TOX: variants seen among roughly 807,000 people sequenced by gnomAD.
The protein encoded by TOX is thymocyte selection-associated high mobility group box protein TOX.
Under a neutral mutation model 53.7 loss-of-function variants are expected in TOX, and 11 were observed. That is an observed-to-expected ratio of 0.20 (90% confidence interval 0.13 to 0.34). The LOEUF (loss-of-function observed/expected upper bound fraction) is 0.34, where lower values mean the gene tolerates loss of function less well. Among genes scored for constraint, TOX ranks in the 10% least tolerant of loss-of-function variants. The pLI is 1.00. For missense variants in TOX, 570 were observed against 664.6 expected (o/e 0.86, Z 1.56); for synonymous variants, 225 against 245.3 (o/e 0.92, Z 0.77).
At chr8:58,837,309 T>C (rs1031957507) in intron 5 of TOX, among the ~76,000 whole-genome samples, 15 of 152,224 alleles carry the variant, frequency 9.9e-5, no homozygotes, top group African/African-American at 3.4e-4. Context: ...AAATTTTTCT[T>C]TGTGATGCTG....
At chr8:58,884,736 T>C (rs907765794) in intron 3 of TOX, among the ~76,000 whole-genome samples, 1 of 152,152 alleles carries the variant, frequency 6.6e-6, no homozygotes, top group Non-Finnish European at 1.5e-5. Context: ...CTTTAAAAAT[T>C]CTTTTTAACT....
intron 1 of TOX, among the ~76,000 whole-genome samples, chr8:59,101,530 G>A (rs1804806868): frequency 6.6e-6 from 1 of 152,100 alleles, no homozygotes; most frequent in South Asian, 2.1e-4. Flanking sequence ...ATAAACTGCA[G>A]ACACATAGTA....
chr8:59,094,071 T>C (rs1804669862), intron 1 of TOX, among the ~76,000 whole-genome samples: 1 of 152,196 alleles, frequency 6.6e-6, no homozygotes. Flanking sequence ...CAGACCATGA[T>C]TCTAATTTGG....
At chr8:58,922,813 C>T (rs1812094752) in intron 3 of TOX, among the ~76,000 whole-genome samples, 1 of 152,232 alleles carries the variant, frequency 6.6e-6, no homozygotes, top group Admixed American at 6.5e-5. Context: ...AGTGACAACT[C>T]ATTTTATAAA....
intron 2 of TOX, among the ~76,000 whole-genome samples, chr8:58,954,425 T>G (rs1812677912): frequency 6.6e-6 from 1 of 152,212 alleles, no homozygotes; most frequent in Non-Finnish European, 1.5e-5. Flanking sequence ...AGCATACCTC[T>G]GATATGTCAG....
chr8:59,111,588 C>T (rs1805017941), intron 1 of TOX, among the ~76,000 whole-genome samples: 1 of 151,912 alleles, frequency 6.6e-6, no homozygotes, highest in African/African-American at 2.4e-5. Context: ...CCCCACACAC[C>T]CATACACATG....
At chr8:58,929,114 T>C (rs1426210243) in intron 3 of TOX, among the ~76,000 whole-genome samples, 1 of 152,068 alleles carries the variant, frequency 6.6e-6, no homozygotes, top group Non-Finnish European at 1.5e-5. Context: ...TGTCAAAGAG[T>C]ACTTCTATTT....
intron 1 of TOX, among the ~76,000 whole-genome samples, chr8:58,965,402 G>T (rs1295375300): frequency 6.6e-6 from 1 of 152,144 alleles, no homozygotes; most frequent in Non-Finnish European, 1.5e-5. Flanking sequence ...AAACTAGGTA[G>T]TTATTATTTC....
chr8:59,039,433 C>G (rs1298061024), intron 1 of TOX, among the ~76,000 whole-genome samples: 1 of 152,212 alleles, frequency 6.6e-6, no homozygotes, highest in Non-Finnish European at 1.5e-5. Context: ...GCTCACTGTT[C>G]AGCAGTGCTC....
At chr8:59,108,207 T>C (rs536302465) in intron 1 of TOX, among the ~76,000 whole-genome samples, 2 of 152,334 alleles carry the variant, frequency 1.3e-5, no homozygotes, top group South Asian at 2.1e-4. Context: ...ATACAGTATA[T>C]CTTATCATTC....
intron 3 of TOX, among the ~76,000 whole-genome samples, chr8:58,870,834 C>A (rs957942477): frequency 7.2e-5 from 11 of 151,976 alleles, no homozygotes; most frequent in African/African-American, 2.7e-4. Context: ...TATGCTCCTA[C>A]CCCAGGCCCC....
At chr8:59,009,111 A>C (rs1813848616) in intron 1 of TOX, among the ~76,000 whole-genome samples, 1 of 124,916 alleles carries the variant, frequency 8.0e-6, no homozygotes, top group Admixed American at 8.7e-5. Context: ...TTCTTTCTCC[A>C]TCCTACTTTC....
intron 7 of TOX, among the ~76,000 whole-genome samples, chr8:58,811,722 GT>G (rs1289023128): frequency 6.6e-6 from 1 of 151,984 alleles, no homozygotes; most frequent in East Asian, 1.9e-4. Context: ...TTTTCTTAAG[GT>G]TATAAAGGAA....
At chr8:58,830,861 T>C (rs1439433711) in intron 5 of TOX, among the ~76,000 whole-genome samples, 1 of 152,196 alleles carries the variant, frequency 6.6e-6, no homozygotes, top group Non-Finnish European at 1.5e-5. Context: ...TCCTTAGAAA[T>C]GCATAAGGAT....
intron 1 of TOX, among the ~76,000 whole-genome samples, chr8:58,998,536 T>TGTA (rs1554537362): frequency 0.44 from 16,158 of 37,028 alleles, 4,078 homozygotes; most frequent in South Asian, 0.6. Flanking sequence ...TATATATATA[T>TGTA]ATAAATTTAT....
intron 7 of TOX, 119 bp from the exon 8 acceptor site, chr8:58,808,388 G>T: frequency 1.5e-6 from 2 of 1,310,368 alleles, no homozygotes; most frequent in South Asian, 1.8e-5. Flanking sequence ...CTCTGCAAGG[G>T]CAAGCCTGTC....
chr8:58,981,915 C>A (rs557916695), intron 1 of TOX, among the ~76,000 whole-genome samples: 1 of 152,316 alleles, frequency 6.6e-6, no homozygotes, highest in Admixed American at 6.5e-5. Context: ...TTCATCACCC[C>A]CTTAAGCCTA....
intron 1 of TOX, among the ~76,000 whole-genome samples, chr8:59,092,282 T>TATATAA (rs1554545758): frequency 9.2e-6 from 1 of 108,394 alleles, no homozygotes; most frequent in Admixed American, 1.0e-4. Flanking sequence ...TATATATATA[T>TATATAA]TATATATACA....
chr8:58,895,383 C>G (rs968474706), intron 3 of TOX, among the ~76,000 whole-genome samples: 1 of 151,912 alleles, frequency 6.6e-6, no homozygotes, highest in African/African-American at 2.4e-5. Context: ...TATAAGCAAA[C>G]GTATAAATAT....
Sources: gnomAD v4.1 joint callset for allele counts (sites outside exome capture counted in the v4.1 genomes callset) on GRCh38, gnomAD v4.1.1 for gene constraint, MANE v1.5 for transcripts, NCBI Gene and HGNC (gene_info 2026-07-23, HGNC 2026-07-21) for gene names.